The following PRKAR2B variants were observed in gnomAD, a reference collection of about 807,000 sequenced individuals.
PRKAR2B encodes protein kinase cAMP-dependent type II regulatory subunit beta.
PRKAR2B carries 14 observed loss-of-function variants against 49.9 expected under a neutral mutation model. The ratio of observed to expected loss-of-function variants is 0.28; its 90% CI spans 0.19 to 0.44. PRKAR2B has a LOEUF of 0.44. PRKAR2B is among the 20% of genes least tolerant of loss of function. The probability of loss-of-function intolerance (pLI) is 1.00; values close to 1 mark genes in which losing one functional copy is unlikely to be tolerated. For missense variants in PRKAR2B, 393 were observed against 537.9 expected (o/e 0.73, Z 2.67); for synonymous variants, 196 against 197.7 (o/e 0.99, Z 0.07).
At chr7:107,077,331 G>T (rs939966704) in intron 2 of PRKAR2B, 1 of 152,264 alleles carries the variant, frequency 6.6e-6, no homozygotes, top group East Asian at 1.9e-4. Flanking sequence ...TACGAAGTGC[G>T]CAGTCTAGCA....
chr7:107,118,219 G>A (rs1795314907), intron 2 of PRKAR2B, among the ~76,000 whole-genome samples: 1 of 152,102 alleles, frequency 6.6e-6, no homozygotes, highest in South Asian at 2.1e-4. Flanking sequence ...AGGAATTTTG[G>A]TGAGTAAGAC....
intron 2 of PRKAR2B, among the ~76,000 whole-genome samples, chr7:107,093,575 A>G (rs1794774614): frequency 1.3e-5 from 2 of 150,604 alleles, no homozygotes; most frequent in African/African-American, 4.9e-5. Context: ...GATTTGTTAC[A>G]TATGTATACA....
intron 1 of PRKAR2B, among the ~76,000 whole-genome samples, chr7:107,055,918 A>G (rs1246583958): frequency 6.6e-6 from 1 of 152,142 alleles, no homozygotes; most frequent in Non-Finnish European, 1.5e-5. Flanking sequence ...GGTATTGCCT[A>G]GGTTTTCTTC....
intron 10 of PRKAR2B, among the ~76,000 whole-genome samples, chr7:107,158,069 T>C (rs1796127651): frequency 1.3e-5 from 2 of 152,170 alleles, no homozygotes; most frequent in African/African-American, 4.8e-5. Context: ...TTTAAAAGGG[T>C]TTAAATAAGT....
chr7:107,072,600 CAAA>C (rs2116775816), intron 2 of PRKAR2B, among the ~76,000 whole-genome samples: 1 of 152,132 alleles, frequency 6.6e-6, no homozygotes, highest in East Asian at 1.9e-4. Context: ...ATGTTTTTGA[CAAA>C]GAATATAGAA....
chr7:107,147,949 A>G (rs920351695), intron 6 of PRKAR2B, among the ~76,000 whole-genome samples: 2 of 152,244 alleles, frequency 1.3e-5, no homozygotes, highest in Non-Finnish European at 2.9e-5. Context: ...CTGATAAAAA[A>G]TATCTCTTGA....
intron 2 of PRKAR2B, among the ~76,000 whole-genome samples, chr7:107,086,789 A>G (rs1794628416): frequency 6.6e-6 from 1 of 152,156 alleles, no homozygotes; most frequent in Non-Finnish European, 1.5e-5. Context: ...CCATATGATA[A>G]TTTGGTTTAC....
chr7:107,066,301 GGTGTGTGT>G (rs3074837), intron 1 of PRKAR2B, among the ~76,000 whole-genome samples: 3 of 145,512 alleles, frequency 2.1e-5, no homozygotes, highest in Non-Finnish European at 4.5e-5. Flanking sequence ...CTCTATGTGG[GGTGTGTGT>G]GTGTGTGTGT....
intron 5 of PRKAR2B, among the ~76,000 whole-genome samples, chr7:107,145,374 A>G (rs999345836): frequency 6.6e-6 from 1 of 152,228 alleles, no homozygotes; most frequent in African/African-American, 2.4e-5. Flanking sequence ...TAAGTTTTGT[A>G]GAGTAGTGGC....
intron 3 of PRKAR2B, among the ~76,000 whole-genome samples, chr7:107,124,652 T>C (rs1795452554): frequency 6.6e-6 from 1 of 152,218 alleles, no homozygotes; most frequent in Non-Finnish European, 1.5e-5. Flanking sequence ...ACTCCTGGCC[T>C]CAAGTGATCC....
intron 2 of PRKAR2B, among the ~76,000 whole-genome samples, chr7:107,081,105 C>T (rs1030174036): frequency 1.3e-5 from 2 of 152,128 alleles, no homozygotes; most frequent in Non-Finnish European, 2.9e-5. Flanking sequence ...CTCTTCTTTC[C>T]TCTTGTAACT....
At chr7:107,149,963 C>T (rs764402649) in intron 6 of PRKAR2B, among the ~76,000 whole-genome samples, 2 of 151,480 alleles carry the variant, frequency 1.3e-5, no homozygotes, top group Admixed American at 1.3e-4. Context: ...ATCTCATGTA[C>T]CCCATAAATA....
chr7:107,134,099 G>A (rs1485680981), intron 4 of PRKAR2B, among the ~76,000 whole-genome samples: 1 of 152,026 alleles, frequency 6.6e-6, no homozygotes, highest in Non-Finnish European at 1.5e-5. Flanking sequence ...CACGATCATG[G>A]CTCACTGCAA....
At chr7:107,060,981 G>A (rs993577097) in intron 1 of PRKAR2B, among the ~76,000 whole-genome samples, 10 of 152,034 alleles carry the variant, frequency 6.6e-5, no homozygotes, top group African/African-American at 2.2e-4. Context: ...TATGCATCAT[G>A]TATTGACTCA....
At chr7:107,111,775 T>G (rs1385542566) in intron 2 of PRKAR2B, among the ~76,000 whole-genome samples, 1 of 151,948 alleles carries the variant, frequency 6.6e-6, no homozygotes, top group Admixed American at 6.6e-5. Context: ...ATGAAGAATT[T>G]CAAGACTTTT....
rs1380512301 is a variant in PRKAR2B at position 107,159,786 on chromosome 7, A to G, written c.*204A>G. 2 of 472,168 alleles carry G rather than the reference A, an allele frequency of 4.2e-6. No homozygotes were observed. The highest frequency in any genetic ancestry group is 7.3e-6 in the Non-Finnish European group (2 of 272,804). The allele number at this position is 472,168 out of a possible 1,614,324, so 29.2% of individuals were successfully genotyped here. A position where few individuals can be genotyped will look rare whatever the true frequency, so the allele number is the denominator to read the frequency against. On this transcript the variant is annotated 3_prime_UTR_variant, in exon 11 of 11. Coordinates refer to ENST00000265717, the MANE Select transcript of PRKAR2B (RefSeq NM_002736.3). ...TTTCTAAAGAGTAGTTCATAAAAAAATCAACATACTGATAAAATGACTTTG... is the reference window on the plus strand; with the variant it reads ...TTTCTAAAGAGTAGTTCATAAAAAAGTCAACATACTGATAAAATGACTTTG...
intron 3 of PRKAR2B, among the ~76,000 whole-genome samples, chr7:107,124,119 A>G (rs184388690): frequency 6.6e-6 from 1 of 152,368 alleles, no homozygotes; most frequent in Admixed American, 6.5e-5. Context: ...AGTCTGTAGT[A>G]TAAACAGAAA....
At chr7:107,051,600 G>T (rs1054658896) in intron 1 of PRKAR2B, among the ~76,000 whole-genome samples, 1 of 152,088 alleles carries the variant, frequency 6.6e-6, no homozygotes, top group Admixed American at 6.5e-5. Context: ...TTTATGGAAA[G>T]AATTTGAGCT....
At position 107,157,062 on chromosome 7, in the gene PRKAR2B, A is replaced by G. The variant is rs1248043984; in HGVS notation, c.984+13A>G. The G allele has an allele frequency of 1.2e-6, 2 of 1,608,986 alleles. No individual in the cohort carries two copies. Among genetic ancestry groups the G allele is most frequent in the Non-Finnish European group, 1.7e-6 (2 of 1,175,432 alleles). On this transcript the variant is annotated intron_variant, in intron 9 of 10. Coordinates refer to ENST00000265717, the MANE Select transcript of PRKAR2B (RefSeq NM_002736.3). ...TATGAAAAGAAAGGTAAGCATTCTA[A>G]GTCCTCAGAACCCACATACTGTTAG... is the stretch of plus-strand genomic sequence containing the variant.
Sources: gnomAD v4.1 joint callset for allele counts (sites outside exome capture counted in the v4.1 genomes callset) on GRCh38, gnomAD v4.1.1 for gene constraint, MANE v1.5 for transcripts, NCBI Gene and HGNC (gene_info 2026-07-23, HGNC 2026-07-21) for gene names.